ECPAS: variants seen among roughly 807,000 people sequenced by gnomAD.
ECPAS encodes Ecm29 proteasome adaptor and scaffold, also known as proteasome adapter and scaffold protein ECM29.
A neutral mutation model predicts 255.1 loss-of-function variants in ECPAS; 70 were observed. That is an observed-to-expected ratio of 0.27 (90% confidence interval 0.23 to 0.33). The LOEUF is 0.33. Among genes scored for constraint, ECPAS ranks in the 10% least tolerant of loss-of-function variants. The probability of loss-of-function intolerance (pLI) is 1.00; values close to 1 mark genes in which losing one functional copy is unlikely to be tolerated. For synonymous variants in ECPAS, 784 were observed against 775.0 expected (o/e 1.01, Z -0.19); for missense variants, 1,817 against 2,206.4 (o/e 0.82, Z 3.54).
chr9:111,362,144 T>A lies in ECPAS; in HGVS notation c.5406A>T (p.Thr1802=). ...LEESKQWECL[T]SECRVLLIES... is the part of the protein sequence containing the mutation. The stretch of plus-strand genomic sequence containing the variant: ...CAATTAGGAGCACTCTGCATTCAGA[T>A]GTCAAACATTCCCACTGTTTAGATT... The change falls in exon 50 of 50, where the codon ACA becomes ACT. Residue 1802 remains threonine (T), a synonymous_variant. Coordinates refer to ENST00000684092, the MANE Select transcript of ECPAS (RefSeq NM_001364929.1). 1 of 1,598,526 alleles carries A rather than the reference T, an allele frequency of 6.3e-7. No individual in the cohort carries two copies. The highest frequency in any genetic ancestry group is 1.1e-5 in the South Asian group (1 of 89,312).
At chr9:111,401,205 C>T (rs1424629674) in intron 24 of ECPAS, among the ~76,000 whole-genome samples, 2 of 152,164 alleles carry the variant, frequency 1.3e-5, no homozygotes, top group Non-Finnish European at 2.9e-5. Flanking sequence ...GAACCAGCCC[C>T]CAATATTTCA....
intron 1 of ECPAS, chr9:111,483,495 G>A (rs1286812821): frequency 3.1e-6 from 3 of 978,788 alleles, no homozygotes; most frequent in Non-Finnish European, 3.6e-6. Flanking sequence ...GTTCGGCCGC[G>A]GCACTTACTC....
chr9:111,484,376 G>A lies in ECPAS; in HGVS notation c.-343C>T, dbSNP rs1189882719. 1.2e-6 allele frequency: 2 copies of A among 1,611,710 alleles called. No homozygotes were observed. The highest frequency in any genetic ancestry group is 1.7e-6 in the Non-Finnish European group (2 of 1,179,378). ...AACACGCCTGTCCAAAGGAAGAGACGTGGACTCAGAAAAGTAGAGCCGGGC... is the reference window on the plus strand; with the variant it reads ...AACACGCCTGTCCAAAGGAAGAGACATGGACTCAGAAAAGTAGAGCCGGGC... On this transcript the variant is annotated 5_prime_UTR_variant, in exon 1 of 50. The change creates a new upstream start codon in the 5' untranslated region. Transcript: ENST00000684092.
chr9:111,450,208 G>A (rs186986387), intron 3 of ECPAS, among the ~76,000 whole-genome samples: 63 of 152,184 alleles, frequency 4.1e-4, no homozygotes, highest in African/African-American at 1.4e-3. Flanking sequence ...AACTGATAAG[G>A]CTAAGAAGTA....
At chr9:111,456,479 T>C (rs2131991797) in intron 2 of ECPAS, among the ~76,000 whole-genome samples, 1 of 152,334 alleles carries the variant, frequency 6.6e-6, no homozygotes, top group African/African-American at 2.4e-5. Flanking sequence ...GTACACATAC[T>C]GTACATACTA....
At chr9:111,478,166 G>T (rs138694682) in intron 1 of ECPAS, among the ~76,000 whole-genome samples, 10 of 151,368 alleles carry the variant, frequency 6.6e-5, no homozygotes, top group Admixed American at 2.0e-4. Context: ...CTCCCAAAGC[G>T]CTGGGATTAC....
intron 29 of ECPAS, 145 bp downstream of exon 29, chr9:111,391,611 T>C: frequency 1.7e-6 from 1 of 595,438 alleles, no homozygotes; most frequent in East Asian, 2.9e-5. Context: ...TCAGACTTTT[T>C]TCCATGTAAG....
At chr9:111,413,846 A>T in intron 20 of ECPAS, 49 bp downstream of exon 20, 1 of 1,148,078 alleles carries the variant, frequency 8.7e-7, no homozygotes, top group Non-Finnish European at 1.2e-6. Flanking sequence ...TCATGAAGTT[A>T]AGGTCTGAAA....
In ECPAS at chr9:111,384,126, C is replaced by T. The variant is rs141876349; in HGVS notation, c.3681+396G>A. Among the ~76,000 whole-genome samples, 482 of 152,166 alleles carry T rather than the reference C, an allele frequency of 3.2e-3. 3 individuals are homozygous for T. Among genetic ancestry groups the T allele is most frequent in the African/African-American group, 0.011 (471 of 41,514 alleles). ...GTTTGTGCAACTAGAATGTAAAGTT[C>T]CTGATATATCACAAAATCAAGTTCA... On this transcript the variant is annotated intron_variant, in intron 34 of 49. Transcript: ENST00000684092.
intron 41 of ECPAS, 77 bp downstream of exon 41, chr9:111,373,093 A>G: frequency 5.5e-6 from 6 of 1,084,202 alleles, no homozygotes; most frequent in Non-Finnish European, 8.5e-6. Context: ...CATGGAGGGT[A>G]AGACCTAATT....
At chr9:111,388,447 C>T (rs917661496) in intron 31 of ECPAS, among the ~76,000 whole-genome samples, 3 of 150,184 alleles carry the variant, frequency 2.0e-5, no homozygotes, top group African/African-American at 4.9e-5. Context: ...GTACCTACCA[C>T]CAAGAATAGA....
At chr9:111,373,875 A>C in intron 39 of ECPAS, 97 bp downstream of exon 39, 2 of 872,566 alleles carry the variant, frequency 2.3e-6, no homozygotes, top group South Asian at 3.0e-5. Context: ...CAGCATCACA[A>C]GCAGGTCTGA....
At chr9:111,478,934 A>T (rs1202983820) in intron 1 of ECPAS, among the ~76,000 whole-genome samples, 1 of 152,210 alleles carries the variant, frequency 6.6e-6, no homozygotes, top group Non-Finnish European at 1.5e-5. Context: ...GGATTAAGGT[A>T]ACATCTAGCT....
intron 12 of ECPAS, among the ~76,000 whole-genome samples, chr9:111,424,972 C>A (rs1002203892): frequency 2.6e-5 from 4 of 152,040 alleles, no homozygotes; most frequent in Non-Finnish European, 4.4e-5. Flanking sequence ...GAATTCAAGA[C>A]CAGCCTGGCC....
At chr9:111,398,345 T>C (rs1248380734) in intron 24 of ECPAS, among the ~76,000 whole-genome samples, 1 of 152,200 alleles carries the variant, frequency 6.6e-6, no homozygotes, top group Non-Finnish European at 1.5e-5. Flanking sequence ...GTACCTGTTT[T>C]TGCATGTTTC....
At chr9:111,456,502 G>T (rs974330134) in intron 2 of ECPAS, among the ~76,000 whole-genome samples, 29 of 152,234 alleles carry the variant, frequency 1.9e-4, no homozygotes, top group Admixed American at 1.8e-3. Flanking sequence ...CCTTATACAG[G>T]AAGTTTTATT....
chr9:111,401,700 C>T (rs749424272), intron 24 of ECPAS, among the ~76,000 whole-genome samples: 7 of 152,152 alleles, frequency 4.6e-5, no homozygotes, highest in African/African-American at 1.4e-4. Flanking sequence ...ATAGACCTCC[C>T]GCCAGGAATG....
chr9:111,417,746 CAAA>C, intron 17 of ECPAS, 134 bp downstream of exon 17: 4 of 741,888 alleles, frequency 5.4e-6, no homozygotes, highest in South Asian at 2.5e-5. Context: ...AGCTCCATCT[CAAA>C]AAAAAAAAAG....
chr9:111,473,658 A>G (rs148022144), intron 1 of ECPAS, among the ~76,000 whole-genome samples: 1 of 152,260 alleles, frequency 6.6e-6, no homozygotes, highest in East Asian at 1.9e-4. Flanking sequence ...AAGATGTGCT[A>G]TCTCTTCCCA....
Sources: allele counts gnomAD v4.1 joint callset (sites outside exome capture counted in the v4.1 genomes callset), GRCh38; gene constraint gnomAD v4.1.1; transcripts MANE v1.5; gene names NCBI Gene and HGNC (gene_info 2026-07-23, HGNC 2026-07-21).